Variants in MLLT3 observed in about 807,000 individuals in gnomAD.
MLLT3 encodes protein AF-9.
Under a neutral mutation model 53.2 loss-of-function variants are expected in MLLT3, and 4 were observed. The observed-to-expected ratio is 0.08, with a 90% CI of 0.04 to 0.17. The LOEUF (loss-of-function observed/expected upper bound fraction) is 0.17, where lower values mean the gene tolerates loss of function less well. MLLT3 is among the 10% of genes least tolerant of loss of function. MLLT3 has a pLI of 1.00. For missense variants in MLLT3, 569 were observed against 684.0 expected, an observed-to-expected ratio of 0.83 and a Z score of 1.87; for synonymous variants, 283 against 230.6, an observed-to-expected ratio of 1.23 and a Z score of -2.06.
In MLLT3 at chr9:20,428,582, A is replaced by C. The variant is rs140977558; in HGVS notation, c.421-14157T>G. 6.8e-3 allele frequency among the ~76,000 whole-genome samples: 1,034 copies of C among 152,234 alleles called. 4 individuals are homozygous for C. Among genetic ancestry groups the C allele is most frequent in the African/African-American group, 0.022 (935 of 41,570 alleles). On this transcript the variant is annotated intron_variant, in intron 4 of 10. Coordinates refer to ENST00000380338, the MANE Select transcript of MLLT3 (RefSeq NM_004529.4). ...AGGACTTGAAAAAATTTTAGCCACC[A>C]ATCCTCGTCTGTGAAGAAAATGATG...
intron 2 of MLLT3, among the ~76,000 whole-genome samples, chr9:20,586,496 G>A (rs984311509): frequency 7.9e-5 from 12 of 152,066 alleles, no homozygotes; most frequent in Admixed American, 6.6e-4. Context: ...TCACTGGGGG[G>A]CTTAGGGGTG....
At chr9:20,554,912 G>A (rs1008788235) in intron 2 of MLLT3, among the ~76,000 whole-genome samples, 3 of 152,122 alleles carry the variant, frequency 2.0e-5, no homozygotes, top group Non-Finnish European at 2.9e-5. Flanking sequence ...ATACTCAAAC[G>A]GAAGTGGCTA....
intron 2 of MLLT3, among the ~76,000 whole-genome samples, chr9:20,517,657 T>G (rs1374517238): frequency 6.6e-6 from 1 of 151,750 alleles, no homozygotes; most frequent in Non-Finnish European, 1.5e-5. Context: ...GCCAACATGG[T>G]GAAACCTCAT....
intron 10 of MLLT3, among the ~76,000 whole-genome samples, chr9:20,347,885 C>G (rs1587137175): frequency 6.6e-6 from 1 of 152,188 alleles, no homozygotes; most frequent in South Asian, 2.1e-4. Context: ...TAATGCCACG[C>G]TGAGTAACAG....
chr9:20,459,484 A>C (rs1174104915), intron 2 of MLLT3, among the ~76,000 whole-genome samples: 1 of 152,230 alleles, frequency 6.6e-6, no homozygotes, highest in Non-Finnish European at 1.5e-5. Flanking sequence ...TGACACTTCC[A>C]GGCTGCAAAG....
chr9:20,610,938 C>G (rs1820686227), intron 2 of MLLT3, among the ~76,000 whole-genome samples: 2 of 151,982 alleles, frequency 1.3e-5, no homozygotes, highest in South Asian at 4.1e-4. Flanking sequence ...TCTCAACAGC[C>G]CAAATCCCCC....
At chr9:20,619,901 C>T (rs1251020869) in intron 2 of MLLT3, among the ~76,000 whole-genome samples, 1 of 152,062 alleles carries the variant, frequency 6.6e-6, no homozygotes, top group East Asian at 1.9e-4. Context: ...TCCTCCACAT[C>T]GTTCCTCTTC....
chr9:20,542,238 AT>A (rs35985088), intron 2 of MLLT3, among the ~76,000 whole-genome samples: 4,667 of 50,638 alleles, frequency 0.092, 131 homozygotes, highest in African/African-American at 0.2. Flanking sequence ...GAGCAGTAAT[AT>A]TTTTTTTTTT....
At chr9:20,371,646 G>A (rs148150991) in intron 5 of MLLT3, among the ~76,000 whole-genome samples, 3 of 152,262 alleles carry the variant, frequency 2.0e-5, no homozygotes, top group Admixed American at 1.3e-4. Flanking sequence ...TAAAAGATCC[G>A]TTTCAAAATA....
chr9:20,458,442 CT>C (rs762911688), intron 2 of MLLT3, among the ~76,000 whole-genome samples: 14 of 152,284 alleles, frequency 9.2e-5, no homozygotes, highest in Admixed American at 2.6e-4. Context: ...CTGGGTTCCT[CT>C]TCTAGACAAT....
In MLLT3 at chr9:20,621,022, C is replaced by T; in HGVS notation, c.13-188G>A. The T allele has an allele frequency of 4.0e-6, 3 of 757,212 alleles. No individual in the cohort carries two copies. The highest frequency in any genetic ancestry group is 6.8e-6 in the Non-Finnish European group (3 of 439,626). The allele number at this position is 757,212 out of a possible 1,614,324, so 46.9% of individuals were successfully genotyped here. A position where few individuals can be genotyped will look rare whatever the true frequency, so the allele number is the denominator to read the frequency against. On this transcript the variant is annotated intron_variant, in intron 1 of 10. Transcript: ENST00000380338. The surrounding 1 kb of genome is among the most constrained non-coding windows in gnomAD (Gnocchi z 7.0). ...ACACCCCCAAATATACCCGCCCGCCCGGCCCGGCTTGGCCCCAGGCGCCCC... is the reference window on the plus strand; with the variant it reads ...ACACCCCCAAATATACCCGCCCGCCTGGCCCGGCTTGGCCCCAGGCGCCCC...
chr9:20,419,518 T>A (rs1393167306), intron 4 of MLLT3, among the ~76,000 whole-genome samples: 1 of 149,690 alleles, frequency 6.7e-6, no homozygotes, highest in East Asian at 1.9e-4. Context: ...CAGAGCTCAC[T>A]ATACTTAAAA....
At chr9:20,393,555 T>A (rs1822243709) in intron 5 of MLLT3, among the ~76,000 whole-genome samples, 1 of 152,228 alleles carries the variant, frequency 6.6e-6, no homozygotes, top group Non-Finnish European at 1.5e-5. Context: ...TATTCACTGA[T>A]ATAATTAAAT....
rs553374979 is a variant in MLLT3 at position 20,622,457 on chromosome 9, A to AAGCAGCAGC, written c.-210_-202dup. 7.5e-6 allele frequency: 4 copies of AAGCAGCAGC among 534,546 alleles called. No homozygotes were observed. The highest frequency in any genetic ancestry group is 2.7e-5 in the South Asian group (1 of 37,686). 33.1% of individuals were successfully genotyped at this position (534,546 alleles called of 1,614,324 possible). A position where few individuals can be genotyped will look rare whatever the true frequency, so the allele number is the denominator to read the frequency against. ...TTATTAAACTCAGCCCCAAAAGCAAAAGCAGCAGCAGCAGCAGCAGCTCCA... is the reference window on the plus strand; with the variant it reads ...TTATTAAACTCAGCCCCAAAAGCAAAAGCAGCAGCAGCAGCAGCAGCAGCAGCAGCTCCA... On this transcript the variant is annotated 5_prime_UTR_variant, in exon 1 of 11. Coordinates refer to ENST00000380338, the MANE Select transcript of MLLT3 (RefSeq NM_004529.4).
intron 2 of MLLT3, among the ~76,000 whole-genome samples, chr9:20,493,837 C>T (rs1825012575): frequency 6.6e-6 from 1 of 152,036 alleles, no homozygotes; most frequent in African/African-American, 2.4e-5. Context: ...ACACAATAGA[C>T]ATGCATAATT....
chr9:20,474,060 C>T (rs1221471080), intron 2 of MLLT3, among the ~76,000 whole-genome samples: 1 of 152,058 alleles, frequency 6.6e-6, no homozygotes, highest in African/African-American at 2.4e-5. Context: ...GGACACTGAC[C>T]TTGCTGCAGC....
In MLLT3 at chr9:20,552,789, A is replaced by G. The variant is rs140340417; in HGVS notation, c.193+67865T>C. Among the ~76,000 whole-genome samples, 13 of 152,308 alleles carry G rather than the reference A, an allele frequency of 8.5e-5. No homozygotes were observed. The East Asian group carries it at 1.5e-3, about 18-fold the overall frequency. ...TAATAGAAAGTTTAAGAAGTCAAATATAAGACTAGTATTACCATATAAAAA... is the reference window on the plus strand; with the variant it reads ...TAATAGAAAGTTTAAGAAGTCAAATGTAAGACTAGTATTACCATATAAAAA... On this transcript the variant is annotated intron_variant, in intron 2 of 10. Coordinates refer to ENST00000380338, the MANE Select transcript of MLLT3 (RefSeq NM_004529.4).
At chr9:20,470,447 A>G (rs934987659) in intron 2 of MLLT3, among the ~76,000 whole-genome samples, 1 of 151,966 alleles carries the variant, frequency 6.6e-6, no homozygotes, top group African/African-American at 2.4e-5. Flanking sequence ...TTTCCCTCCT[A>G]AATAGCAACG....
chr9:20,495,150 T>C (rs745461576), intron 2 of MLLT3, among the ~76,000 whole-genome samples: 1 of 152,174 alleles, frequency 6.6e-6, no homozygotes, highest in Non-Finnish European at 1.5e-5. Flanking sequence ...ATAAATCATT[T>C]TTCTCTCTGT....
Sources: allele counts gnomAD v4.1 joint callset (sites outside exome capture counted in the v4.1 genomes callset), GRCh38; gene constraint gnomAD v4.1.1; non-coding constraint Gnocchi (gnomAD v3.1); transcripts MANE v1.5; gene names NCBI Gene and HGNC (gene_info 2026-07-23, HGNC 2026-07-21).